The following LAMP3 variants were observed in gnomAD, a reference collection of about 807,000 sequenced individuals.
LAMP3 encodes lysosome associated membrane protein 3, also known as lysosome-associated membrane glycoprotein 3.
LAMP3 carries 26 observed loss-of-function variants against 34.8 expected under a neutral mutation model. The ratio of observed to expected loss-of-function variants is 0.75; its 90% CI spans 0.55 to 1.04. LAMP3 has a LOEUF of 1.04. Ranked by LOEUF, LAMP3 falls within the 50% of genes least tolerant of loss-of-function variation. The pLI, the probability that LAMP3 is intolerant of heterozygous loss-of-function variation, is 0.00. For synonymous variants in LAMP3, 180 were observed against 201.9 expected (o/e 0.89, Z 0.92); for missense variants, 495 against 524.0 (o/e 0.94, Z 0.54).
chr3:183,152,381 A>G lies in LAMP3; in HGVS notation c.882T>C (p.Phe294=). ...AAAGGAGCTCAGGCCTCACCTTGGT[A>G]AATGTGAGATTCACAAATCCGCCCT... ...NFQGGFVNLT[F]TKDEESYYIS... is the part of the protein sequence containing the mutation. The change falls in exon 3 of 6, where the codon TTT becomes TTC. Residue 294 remains phenylalanine, a synonymous_variant. Transcript: ENST00000265598. 6.2e-7 allele frequency: 1 copy of G among 1,609,850 alleles called. No homozygotes were observed. Among genetic ancestry groups the G allele is most frequent in the South Asian group, 1.1e-5 (1 of 90,434 alleles).
chr3:183,136,823 G>A (rs1317728437), intron 4 of LAMP3, among the ~76,000 whole-genome samples: 1 of 152,008 alleles, frequency 6.6e-6, no homozygotes, highest in Non-Finnish European at 1.5e-5. Context: ...GGAAGTGGAG[G>A]CTTCCAGGCA....
chr3:183,145,859 A>AAAAC (rs1414544495), intron 3 of LAMP3, among the ~76,000 whole-genome samples: 8 of 152,182 alleles, frequency 5.3e-5, no homozygotes, highest in East Asian at 1.9e-4. Flanking sequence ...CCTGGTCTCA[A>AAAAC]AAACAAACAA....
rs2108617119 is a variant in LAMP3 at position 183,161,493 on chromosome 3, T to G, written c.49+1114A>C. ...GCAACCTCCGCCTCTTGGGTTCAAG[T>G]GATTCTCCTGCCTCAGTCTCCCGAG... On this transcript the variant is annotated intron_variant, in intron 1 of 5. Transcript: ENST00000265598. Among the ~76,000 whole-genome samples the G allele has an allele frequency of 2.6e-5, 4 of 152,210 alleles. No individual in the cohort carries two copies. The Middle Eastern group carries it at 0.014, about 518-fold the overall frequency.
At position 183,154,357 on chromosome 3, in the gene LAMP3, T is replaced by A; in HGVS notation, c.84A>T (p.Lys28Asn). Residue 28 changes from lysine to asparagine, a missense_variant, in exon 2 of 6, where the codon AAA (lysine) becomes AAT (asparagine). By Grantham distance (94) the Lys-to-Asn change is moderately conservative. Transcript: ENST00000265598. Reference protein sequence around the residue: ...ILHDGSQMRAKAFPETRDYSQ... With the variant: ...ILHDGSQMRANAFPETRDYSQ... ...AATAATCTCTGGTTTCTGGAAATGCTTTTGCTCTCATTTGACTGCCATCGT... is the reference window on the plus strand; with the variant it reads ...AATAATCTCTGGTTTCTGGAAATGCATTTGCTCTCATTTGACTGCCATCGT... The A allele has an allele frequency of 2.5e-6, 4 of 1,606,854 alleles. No homozygotes were observed. Among genetic ancestry groups the A allele is most frequent in the Non-Finnish European group, 3.4e-6 (4 of 1,176,906 alleles).
chr3:183,160,190 A>G (rs1156924012), intron 1 of LAMP3, among the ~76,000 whole-genome samples: 1 of 152,120 alleles, frequency 6.6e-6, no homozygotes, highest in African/African-American at 2.4e-5. Flanking sequence ...AAATCCCCTC[A>G]TTTTCTGGAG....
intron 1 of LAMP3, 64 bp from the exon 2 acceptor site, chr3:183,154,455 A>G: frequency 8.0e-7 from 1 of 1,248,048 alleles, no homozygotes; most frequent in Non-Finnish European, 1.1e-6. Flanking sequence ...TCCCTCTCCC[A>G]TCCCCATCTT....
At chr3:183,132,558 C>T (rs1279833946) in intron 5 of LAMP3, 5 of 985,260 alleles carry the variant, frequency 5.1e-6, no homozygotes, top group Non-Finnish European at 4.8e-6. Flanking sequence ...CCCCTAATTC[C>T]GGAAGCCAGC....
chr3:183,142,182 G>A (rs1254932197), intron 3 of LAMP3, among the ~76,000 whole-genome samples: 8 of 152,114 alleles, frequency 5.3e-5, no homozygotes, highest in Non-Finnish European at 1.2e-4. Flanking sequence ...TTTAATATAA[G>A]AGAGACTTAT....
upstream of LAMP3, among the ~76,000 whole-genome samples, chr3:183,163,067 T>C (rs566983834): frequency 9.9e-5 from 15 of 151,738 alleles, no homozygotes; most frequent in South Asian, 2.1e-4. Context: ...AAGCGATTCT[T>C]CTGCCTCAGC....
At chr3:183,153,223 A>G (rs1371021864) in intron 2 of LAMP3, among the ~76,000 whole-genome samples, 1 of 150,558 alleles carries the variant, frequency 6.6e-6, no homozygotes, top group South Asian at 2.1e-4. Flanking sequence ...TGATTCCTTT[A>G]GTATATCAAA....
chr3:183,159,443 G>T (rs1433022786), intron 1 of LAMP3, among the ~76,000 whole-genome samples: 1 of 152,220 alleles, frequency 6.6e-6, no homozygotes, highest in Non-Finnish European at 1.5e-5. Flanking sequence ...GAGCAGGCCT[G>T]GCAGGCCTTG....
At chr3:183,133,708 C>T (rs1305633555) in intron 5 of LAMP3, among the ~76,000 whole-genome samples, 1 of 152,164 alleles carries the variant, frequency 6.6e-6, no homozygotes, top group Non-Finnish European at 1.5e-5. Flanking sequence ...GCTCCTAAAT[C>T]AGCATAATAA....
intron 5 of LAMP3, among the ~76,000 whole-genome samples, chr3:183,130,540 T>C (rs1006586405): frequency 2.0e-5 from 3 of 152,224 alleles, no homozygotes; most frequent in Non-Finnish European, 2.9e-5. Flanking sequence ...TTTGTTTTCA[T>C]CTTGCTCATG....
intron 3 of LAMP3, among the ~76,000 whole-genome samples, chr3:183,143,085 G>A (rs920789141): frequency 6.6e-6 from 1 of 152,160 alleles, no homozygotes; most frequent in Non-Finnish European, 1.5e-5. Flanking sequence ...CAAAATTAGT[G>A]AAACATTGAC....
intron 1 of LAMP3, among the ~76,000 whole-genome samples, chr3:183,155,620 T>G (rs570504706): frequency 3.0e-4 from 46 of 152,366 alleles, no homozygotes; most frequent in African/African-American, 1.0e-3. Flanking sequence ...GGGGATGGTA[T>G]TCAAATATTT....
intron 5 of LAMP3, among the ~76,000 whole-genome samples, chr3:183,129,069 T>C (rs1312289425): frequency 6.6e-6 from 1 of 152,208 alleles, no homozygotes; most frequent in Non-Finnish European, 1.5e-5. Flanking sequence ...GTCTTTATAC[T>C]TCATATTTTT....
intron 2 of LAMP3, among the ~76,000 whole-genome samples, chr3:183,152,975 G>C (rs1231675978): frequency 6.6e-6 from 1 of 152,034 alleles, no homozygotes; most frequent in Non-Finnish European, 1.5e-5. Flanking sequence ...AGGAGTTCGA[G>C]ACCAGCCTGG....
intron 5 of LAMP3, among the ~76,000 whole-genome samples, chr3:183,131,298 A>G (rs1256858674): frequency 6.6e-6 from 1 of 152,214 alleles, no homozygotes; most frequent in Non-Finnish European, 1.5e-5. Context: ...TAAATCTTAC[A>G]TTAATCATTC....
chr3:183,149,137 A>G (rs924798150), intron 3 of LAMP3, among the ~76,000 whole-genome samples: 1 of 152,138 alleles, frequency 6.6e-6, no homozygotes, highest in Non-Finnish European at 1.5e-5. Context: ...GAAATTAAAA[A>G]TTAAAATAAC....
Sources: gnomAD v4.1 joint callset for allele counts (sites outside exome capture counted in the v4.1 genomes callset) on GRCh38, gnomAD v4.1.1 for gene constraint, MANE v1.5 for transcripts, NCBI Gene and HGNC (gene_info 2026-07-23, HGNC 2026-07-21) for gene names.